Variants in KCNG2 observed in about 807,000 individuals in gnomAD.
KCNG2 encodes the protein voltage-gated potassium channel regulatory subunit KCNG2.
In KCNG2, 7 loss-of-function variants were observed where a neutral mutation model predicts 12.3. The ratio of observed to expected loss-of-function variants is 0.57; its 90% CI spans 0.32 to 1.07. KCNG2 has a LOEUF of 1.07. Among genes scored for constraint, KCNG2 ranks in the 50% least tolerant of loss-of-function variants. The probability of loss-of-function intolerance (pLI) is 0.04; values close to 1 mark genes in which losing one functional copy is unlikely to be tolerated. For synonymous variants in KCNG2, 414 were observed against 351.4 expected (o/e 1.18, Z -1.99); for missense variants, 703 against 726.0 (o/e 0.97, Z 0.36).
intron 3 of KCNG2, among the ~76,000 whole-genome samples, chr18:79,876,749 T>G (rs1469249282): frequency 6.6e-6 from 1 of 152,226 alleles, no homozygotes; most frequent in African/African-American, 2.4e-5. Flanking sequence ...GTCTCGCTCT[T>G]GGGCACCAGC....
chr18:79,799,330 G>T (rs2087389580), intron 1 of KCNG2, among the ~76,000 whole-genome samples: 2 of 152,290 alleles, frequency 1.3e-5, no homozygotes, highest in South Asian at 4.2e-4. Context: ...CAGAACCGCG[G>T]AAGAGGGGAC....
chr18:79,840,007 A>G (rs1043846456), intron 1 of KCNG2, among the ~76,000 whole-genome samples: 2 of 152,248 alleles, frequency 1.3e-5, no homozygotes, highest in Non-Finnish European at 2.9e-5. Flanking sequence ...ACCTTAGCTG[A>G]CATACACTTA....
intron 3 of KCNG2, among the ~76,000 whole-genome samples, chr18:79,893,178 C>T (rs1204586225): frequency 2.1e-5 from 3 of 142,184 alleles, no homozygotes; most frequent in Admixed American, 7.1e-5. Flanking sequence ...TAGTTGGCTC[C>T]GTGTCCGCTT....
intron 3 of KCNG2, 90 bp downstream of exon 3, chr18:79,864,381 CG>C (rs1979371922): frequency 1.0e-5 from 1 of 100,358 alleles, no homozygotes; most frequent in Admixed American, 1.6e-4. Flanking sequence ...GGAAGGGGCG[CG>C]GGGGCAGCCA....
At chr18:79,825,836 A>C (rs1191243918) in intron 1 of KCNG2, among the ~76,000 whole-genome samples, 3 of 152,244 alleles carry the variant, frequency 2.0e-5, no homozygotes, top group African/African-American at 7.2e-5. Flanking sequence ...GAAAGTAAAA[A>C]TCACCTGACC....
chr18:79,859,526 C>T (rs918587183), intron 2 of KCNG2, among the ~76,000 whole-genome samples: 4 of 135,452 alleles, frequency 3.0e-5, no homozygotes, highest in Non-Finnish European at 6.8e-5. Flanking sequence ...ACTCATAGAG[C>T]GAGAACTCAC....
At chr18:79,826,496 C>T (rs1012590650) in intron 1 of KCNG2, among the ~76,000 whole-genome samples, 49 of 150,068 alleles carry the variant, frequency 3.3e-4, no homozygotes, top group African/African-American at 9.0e-4. Flanking sequence ...AGCAGCTCCT[C>T]ACGGAAGGTT....
rs1005878277 is a variant in KCNG2 at position 79,798,696 on chromosome 18, C to G, written c.-115+682C>G. Among the ~76,000 whole-genome samples the G allele has an allele frequency of 2.7e-4, 41 of 152,218 alleles. 2 individuals are homozygous for G. Among genetic ancestry groups the G allele is most frequent in the Non-Finnish European group, 1.5e-5 (1 of 68,034 alleles). On this transcript the variant is annotated intron_variant, in intron 1 of 3. Coordinates refer to ENST00000316249, the MANE Select transcript of KCNG2 (RefSeq NM_012283.2). Reference sequence around the variant, plus strand: ...CTGCAAACCCGGAGCCCATGCGCCCCGTCCTCCGGCCCGGGGAGCTCCCAG... The same window carrying G: ...CTGCAAACCCGGAGCCCATGCGCCCGGTCCTCCGGCCCGGGGAGCTCCCAG...
intron 3 of KCNG2, among the ~76,000 whole-genome samples, chr18:79,875,516 T>G (rs1375941189): frequency 6.6e-6 from 1 of 152,224 alleles, no homozygotes; most frequent in Non-Finnish European, 1.5e-5. Flanking sequence ...GAGTTTGTCA[T>G]GTGTTTCTCC....
At chr18:79,836,905 G>A (rs1978331724) in intron 1 of KCNG2, among the ~76,000 whole-genome samples, 1 of 152,068 alleles carries the variant, frequency 6.6e-6, no homozygotes, top group Admixed American at 6.6e-5. Context: ...ATTCAGCCCT[G>A]GCCCCTCCCA....
chr18:79,812,270 G>A (rs1474461446), intron 1 of KCNG2, among the ~76,000 whole-genome samples: 3 of 152,154 alleles, frequency 2.0e-5, no homozygotes, highest in Admixed American at 6.5e-5. Context: ...TGTGAGATAC[G>A]GTCGGAACAG....
At chr18:79,878,673 T>C (rs1253329635) in intron 3 of KCNG2, among the ~76,000 whole-genome samples, 1 of 152,224 alleles carries the variant, frequency 6.6e-6, no homozygotes, top group African/African-American at 2.4e-5. Flanking sequence ...ACTTAGACTT[T>C]TGATTAGGTA....
chr18:79,898,180 T>A (rs904864101), intron 3 of KCNG2, among the ~76,000 whole-genome samples: 1 of 152,150 alleles, frequency 6.6e-6, no homozygotes, highest in African/African-American at 2.4e-5. Flanking sequence ...GCAAAGGAAG[T>A]CAGTTCCTTT....
chr18:79,833,696 A>G (rs767936374), intron 1 of KCNG2, among the ~76,000 whole-genome samples: 10 of 152,236 alleles, frequency 6.6e-5, no homozygotes, highest in Non-Finnish European at 1.5e-4. Context: ...TATGTGGTAT[A>G]AATGCATGGA....
In KCNG2 at chr18:79,862,407, G is replaced by A. The variant is rs193077379; in HGVS notation, c.-40-1221G>A. Among the ~76,000 whole-genome samples, 242 of 152,320 alleles carry A rather than the reference G, an allele frequency of 1.6e-3. 2 individuals carry two copies. The highest frequency in any genetic ancestry group is 5.7e-3 in the African/African-American group (236 of 41,564). On this transcript the variant is annotated intron_variant, in intron 2 of 3. Coordinates refer to ENST00000316249, the MANE Select transcript of KCNG2 (RefSeq NM_012283.2). ...GGACATATAGATTCTTAAACGTCTG[G>A]AATGAAAACTGAAACTTGTTTTTGC...
At chr18:79,867,619 CCCTGGG>C (rs1310181375) in intron 3 of KCNG2, among the ~76,000 whole-genome samples, 2 of 151,316 alleles carry the variant, frequency 1.3e-5, no homozygotes, top group East Asian at 3.9e-4. Context: ...GAGCTCCGGG[CCCTGGG>C]CCTGGGGGTT....
At chr18:79,841,122 T>C (rs1004601920) in intron 1 of KCNG2, among the ~76,000 whole-genome samples, 2 of 151,732 alleles carry the variant, frequency 1.3e-5, no homozygotes, top group Non-Finnish European at 2.9e-5. Context: ...GAAAAAAAAG[T>C]CAGCCAGGCA....
At chr18:79,852,657 C>T (rs1321357935) in intron 1 of KCNG2, among the ~76,000 whole-genome samples, 1 of 152,250 alleles carries the variant, frequency 6.6e-6, no homozygotes, top group Non-Finnish European at 1.5e-5. Context: ...GGCGGCTCAC[C>T]AGCGCCTGCA....
At position 79,846,543 on chromosome 18, in the gene KCNG2, A is replaced by C. The variant is rs565680784; in HGVS notation, c.-114-9836A>C. On this transcript the variant is annotated intron_variant, in intron 1 of 3. Coordinates refer to ENST00000316249, the MANE Select transcript of KCNG2 (RefSeq NM_012283.2). ...ATTACTCATCTTTAGTTTACAACAA[A>C]AATCTCCTGAGTCATATTTTATTCA... Among the ~76,000 whole-genome samples, 6 of 152,346 alleles carry C rather than the reference A, an allele frequency of 3.9e-5. No homozygotes were observed. In the South Asian group the frequency reaches 6.2e-4, roughly 16 times the overall value.
Sources: allele counts gnomAD v4.1 joint callset (sites outside exome capture counted in the v4.1 genomes callset), GRCh38; gene constraint gnomAD v4.1.1; transcripts MANE v1.5; gene names NCBI Gene and HGNC (gene_info 2026-07-23, HGNC 2026-07-21).